Variants in MEGF10 observed in about 807,000 individuals in gnomAD.
The protein encoded by MEGF10 is multiple EGF like domains 10.
A neutral mutation model predicts 147.5 loss-of-function variants in MEGF10; 86 were observed. The ratio of observed to expected loss-of-function variants is 0.58; its 90% CI spans 0.49 to 0.70. MEGF10 has a LOEUF of 0.70. Ranked by LOEUF, MEGF10 falls within the 30% of genes least tolerant of loss-of-function variation. The probability of loss-of-function intolerance (pLI) is 0.00; values close to 1 mark genes in which losing one functional copy is unlikely to be tolerated. For synonymous variants in MEGF10, 478 were observed against 525.5 expected (o/e 0.91, Z 1.24); for missense variants, 1,329 against 1,487.3 (o/e 0.89, Z 1.75).
chr5:127,335,755 CA>C (rs753671814), intron 2 of MEGF10, among the ~76,000 whole-genome samples: 17 of 151,866 alleles, frequency 1.1e-4, no homozygotes, highest in South Asian at 2.1e-4. Flanking sequence ...TACCCTCAAC[CA>C]AAAACTAAAA....
intron 22 of MEGF10, among the ~76,000 whole-genome samples, 190 bp from the exon 23 acceptor site, chr5:127,454,376 C>T (rs1298381030): frequency 6.6e-6 from 1 of 152,078 alleles, no homozygotes; most frequent in African/African-American, 2.4e-5. Context: ...AGGTGAATGA[C>T]CAAATGTGTG....
chr5:127,305,851 C>T lies in MEGF10; in HGVS notation c.-19+14795C>T, dbSNP rs141786365. Reference sequence around the variant, plus strand: ...ACCATCTAGGTCTAGTTGTCACCTCCCTGCACAATCATCTTTGGTTGAAGA... The same window carrying T: ...ACCATCTAGGTCTAGTTGTCACCTCTCTGCACAATCATCTTTGGTTGAAGA... On this transcript the variant is annotated intron_variant, in intron 1 of 24. Transcript: ENST00000503335. Among the ~76,000 whole-genome samples the T allele has an allele frequency of 4.9e-3, 753 of 152,272 alleles. 8 individuals carry two copies. The highest frequency in any genetic ancestry group is 0.017 in the African/African-American group (703 of 41,542).
At chr5:127,240,045 T>TATTTTAGGAGGAA in the MEGF10 span, among the ~76,000 whole-genome samples, 1 of 152,182 alleles carries the variant, frequency 6.6e-6, no homozygotes, top group African/African-American at 2.4e-5. Context: ...ATTCAAAGTC[T>TATTTTAGGAGGAA]ATCGAGTATT....
At chr5:127,262,267 C>T in the MEGF10 span, among the ~76,000 whole-genome samples, 1 of 151,236 alleles carries the variant, frequency 6.6e-6, no homozygotes. Context: ...ATCTTAGATC[C>T]ATTTTGAGTT....
chr5:127,326,102 A>G (rs986944605), intron 1 of MEGF10, among the ~76,000 whole-genome samples: 2 of 150,058 alleles, frequency 1.3e-5, no homozygotes, highest in African/African-American at 2.5e-5. Context: ...TTAAATAAGG[A>G]TGTGGTCTTG....
In MEGF10 at chr5:127,370,003, G is replaced by C. The variant is rs1231912617; in HGVS notation, c.412+1G>C. ...TGGGGAGGGACCAACTGCTCCAGTGGTAAGTTTCCACCTGCTGTTGTCTGT... is the reference window on the plus strand; with the variant it reads ...TGGGGAGGGACCAACTGCTCCAGTGCTAAGTTTCCACCTGCTGTTGTCTGT... On this transcript the variant is annotated splice_donor_variant, in intron 5 of 24. Transcript: ENST00000503335. LOFTEE classifies it high-confidence loss of function. 2 of 1,611,892 alleles carry C rather than the reference G, an allele frequency of 1.2e-6. No individual in the cohort carries two copies. Among genetic ancestry groups the C allele is most frequent in the Non-Finnish European group, 1.7e-6 (2 of 1,178,494 alleles).
chr5:127,263,307 C>CAG, the MEGF10 span, among the ~76,000 whole-genome samples: 582 of 144,258 alleles, frequency 4.0e-3, 6 homozygotes, highest in South Asian at 0.027. Flanking sequence ...GAGGGATTCT[C>CAG]GGGGGGGGGG....
At chr5:127,292,321 A>G (rs1358223663) in intron 1 of MEGF10, among the ~76,000 whole-genome samples, 2 of 152,230 alleles carry the variant, frequency 1.3e-5, no homozygotes, top group African/African-American at 4.8e-5. Flanking sequence ...AATGATAATA[A>G]TAGCACTTAC....
intron 2 of MEGF10, among the ~76,000 whole-genome samples, chr5:127,336,664 A>G (rs1340378684): frequency 6.6e-6 from 1 of 152,142 alleles, no homozygotes; most frequent in Non-Finnish European, 1.5e-5. Context: ...AGGCACACGG[A>G]CTTGAATATC....
chr5:127,286,701 T>C (rs1759040164), upstream of MEGF10, among the ~76,000 whole-genome samples: 1 of 151,502 alleles, frequency 6.6e-6, no homozygotes, highest in South Asian at 2.1e-4. Context: ...ATCTAATGTA[T>C]ATAGAAGGAA....
intron 2 of MEGF10, among the ~76,000 whole-genome samples, chr5:127,332,793 T>C (rs73785581): frequency 6.1e-4 from 93 of 152,278 alleles, no homozygotes; most frequent in African/African-American, 2.2e-3. Flanking sequence ...TAAATACTTA[T>C]TAAAGTCATG....
intron 6 of MEGF10, among the ~76,000 whole-genome samples, chr5:127,397,785 G>A (rs554292105): frequency 2.6e-5 from 4 of 152,284 alleles, no homozygotes; most frequent in African/African-American, 7.2e-5. Context: ...TTTCCCAGGA[G>A]AGCAGGAAAG....
chr5:127,448,351 A>G (rs538885215), intron 21 of MEGF10, among the ~76,000 whole-genome samples: 1 of 152,334 alleles, frequency 6.6e-6, no homozygotes, highest in Non-Finnish European at 1.5e-5. Context: ...AGATGAGGAA[A>G]CTGAGTCACA....
chr5:127,366,264 T>C (rs191853021), intron 4 of MEGF10, among the ~76,000 whole-genome samples: 52 of 152,278 alleles, frequency 3.4e-4, no homozygotes, highest in African/African-American at 1.3e-3. Context: ...TACTCTGCCT[T>C]CCTCTGTTGC....
At chr5:127,388,047 G>T (rs1355638611) in intron 5 of MEGF10, among the ~76,000 whole-genome samples, 3 of 152,158 alleles carry the variant, frequency 2.0e-5, no homozygotes, top group Non-Finnish European at 4.4e-5. Context: ...CCATGTGCCA[G>T]GTACTACATG....
chr5:127,268,992 C>T, the MEGF10 span, among the ~76,000 whole-genome samples: 2 of 152,228 alleles, frequency 1.3e-5, no homozygotes, highest in Non-Finnish European at 2.9e-5. Flanking sequence ...TGGAGTGGCC[C>T]TCCAGCACAC....
intron 5 of MEGF10, among the ~76,000 whole-genome samples, chr5:127,382,723 A>G (rs1026443640): frequency 2.0e-5 from 3 of 152,334 alleles, no homozygotes; most frequent in Admixed American, 6.5e-5. Flanking sequence ...ATTATTTATA[A>G]AATATGTAAA....
chr5:127,354,632 A>G (rs557941503), intron 4 of MEGF10, among the ~76,000 whole-genome samples: 28 of 152,306 alleles, frequency 1.8e-4, no homozygotes, highest in Non-Finnish European at 3.2e-4. Flanking sequence ...ATCCTGTGGC[A>G]TTCTGGAATC....
chr5:127,433,582 C>T, intron 14 of MEGF10, 73 bp downstream of exon 14: 1 of 1,510,138 alleles, frequency 6.6e-7, no homozygotes, highest in Non-Finnish European at 8.9e-7. Flanking sequence ...TGATCTCTGT[C>T]CCACCTCTCA....
Sources: gnomAD v4.1 joint callset for allele counts (sites outside exome capture counted in the v4.1 genomes callset) on GRCh38, gnomAD v4.1.1 for gene constraint, MANE v1.5 for transcripts, NCBI Gene and HGNC (gene_info 2026-07-23, HGNC 2026-07-21) for gene names.